The following VAV1 variants were observed in gnomAD, a reference collection of about 807,000 sequenced individuals.
The protein encoded by VAV1 is proto-oncogene vav.
A neutral mutation model predicts 128.1 loss-of-function variants in VAV1; 33 were observed. That is an observed-to-expected ratio of 0.26 (90% CI 0.20 to 0.34). The LOEUF is 0.34. Ranked by LOEUF, VAV1 falls within the 10% of genes least tolerant of loss-of-function variation. The pLI is 1.00. For missense variants in VAV1, 715 were observed against 1,093.7 expected, an observed-to-expected ratio of 0.65 and a Z score of 4.88; for synonymous variants, 394 against 409.8, an observed-to-expected ratio of 0.96 and a Z score of 0.47.
At chr19:6,804,912 A>T (rs181019900) in intron 1 of VAV1, among the ~76,000 whole-genome samples, 1 of 151,064 alleles carries the variant, frequency 6.6e-6, no homozygotes, top group Non-Finnish European at 1.5e-5. Flanking sequence ...TTTAGTAGAG[A>T]TGAGTTTTCA....
intron 1 of VAV1, among the ~76,000 whole-genome samples, chr19:6,787,407 C>T (rs1032893185): frequency 6.6e-6 from 1 of 151,992 alleles, no homozygotes; most frequent in African/African-American, 2.4e-5. Flanking sequence ...AACTCCTGAC[C>T]TCAAGCAATC....
intron 21 of VAV1, among the ~76,000 whole-genome samples, chr19:6,838,496 C>T (rs921513014): frequency 6.6e-6 from 1 of 151,998 alleles, no homozygotes; most frequent in Admixed American, 6.6e-5. Context: ...TATCATTTAT[C>T]TATGTATCAT....
At chr19:6,823,524 T>C in intron 6 of VAV1, among the ~76,000 whole-genome samples, 1 of 151,738 alleles carries the variant, frequency 6.6e-6, no homozygotes, top group Admixed American at 6.6e-5. Context: ...TTTATATATA[T>C]TTTTTGTTAT....
chr19:6,807,933 T>G (rs1971429979), intron 1 of VAV1, among the ~76,000 whole-genome samples: 2 of 135,936 alleles, frequency 1.5e-5, no homozygotes, highest in South Asian at 2.2e-4. Context: ...GAGGTTGCAG[T>G]GAGTCGAGAT....
At chr19:6,843,473 T>C (rs531055722) in intron 22 of VAV1, among the ~76,000 whole-genome samples, 1 of 152,220 alleles carries the variant, frequency 6.6e-6, no homozygotes, top group Non-Finnish European at 1.5e-5. Flanking sequence ...TTTTGTAGGA[T>C]TTTTTGTTTT....
At chr19:6,804,227 G>T (rs1971335338) in intron 1 of VAV1, among the ~76,000 whole-genome samples, 2 of 151,098 alleles carry the variant, frequency 1.3e-5, no homozygotes, top group Admixed American at 6.6e-5. Flanking sequence ...GGCTTAGCCT[G>T]TGAGGCTTCT....
rs541628699 is a variant in VAV1, at chr19:6,777,082, G to T, written c.204+4071G>T. Among the ~76,000 whole-genome samples the T allele has an allele frequency of 9.6e-5, 14 of 145,144 alleles. No homozygotes were observed. The highest frequency in any genetic ancestry group is 2.0e-4 in the Non-Finnish European group (13 of 65,462). ...CCATTCATCTATCTATCATCCACCT[G>T]CCCACCCACCCATCCATCCATCTAC... On this transcript the variant is annotated intron_variant, in intron 1 of 26. Coordinates refer to ENST00000602142, the MANE Select transcript of VAV1 (RefSeq NM_005428.4). The surrounding 1 kb of genome is among the most constrained non-coding windows in gnomAD (Gnocchi z 4.4).
intron 15 of VAV1, among the ~76,000 whole-genome samples, 164 bp from the exon 16 acceptor site, chr19:6,833,020 G>C (rs1395751863): frequency 6.6e-6 from 1 of 152,190 alleles, no homozygotes; most frequent in Non-Finnish European, 1.5e-5. Context: ...GTGCATGGCA[G>C]CACGATTCAG....
At chr19:6,802,029 C>T (rs956264834) in intron 1 of VAV1, among the ~76,000 whole-genome samples, 3 of 36,160 alleles carry the variant, frequency 8.3e-5, no homozygotes, top group African/African-American at 1.9e-4. Context: ...AGGAACCGTC[C>T]TCATAATGCC....
At chr19:6,848,834 C>T (rs1972591986) in intron 23 of VAV1, among the ~76,000 whole-genome samples, 1 of 151,510 alleles carries the variant, frequency 6.6e-6, no homozygotes, top group Non-Finnish European at 1.5e-5. Flanking sequence ...GTCTCTGTTG[C>T]CCAGGCTGGA....
intron 19 of VAV1, among the ~76,000 whole-genome samples, chr19:6,834,641 ATATAT>A (rs972599416): frequency 2.3e-4 from 34 of 146,596 alleles, no homozygotes; most frequent in African/African-American, 6.9e-4. Flanking sequence ...TATAGTAATA[ATATAT>A]TATAATAATA....
rs779571766 is a variant in VAV1 at position 6,837,047 on chromosome 19, C to T, written c.1977C>T (p.Val659=). 1.2e-6 allele frequency: 2 copies of T among 1,613,854 alleles called. No individual in the cohort carries two copies. The highest frequency in any genetic ancestry group is 4.5e-5 in the East Asian group (2 of 44,874). ...WFPCNRVKPY[V]HGPPQDLSVH... is the part of the protein sequence containing the mutation. ...CTTGTAACAGGGTGAAGCCCTATGT[C>T]CATGTGAGTGCCTCAAGTCTGAATG... The change falls in exon 21 of 27, where the codon GTC becomes GTT. Residue 659 remains valine (V), a synonymous_variant. Transcript: ENST00000602142.
At chr19:6,814,687 T>TTC (rs1971596423) in intron 1 of VAV1, among the ~76,000 whole-genome samples, 2 of 105,266 alleles carry the variant, frequency 1.9e-5, no homozygotes, top group African/African-American at 1.1e-4. Flanking sequence ...TTTCTTTCTT[T>TTC]CTTTCTTTCT....
rs1183815100 is a variant in VAV1, at chr19:6,853,948, G to A, written c.2334G>A (p.Val778=). The change falls in exon 26 of 27, where the codon GTG becomes GTA. Residue 778 remains valine, a splice_region_variant and synonymous_variant. Transcript: ENST00000602142. The stretch of plus-strand genomic sequence containing the variant: ...CTCACTTCTGTTCTCTCTCCACAGT[G>A]GGAAGCACAAAGTATTTTGGCACAG... ...PEKRTISRPA[V]GSTKYFGTAK... is the part of the protein sequence containing the mutation. The A allele has an allele frequency of 2.5e-6, 4 of 1,609,984 alleles. No homozygotes were observed. Among genetic ancestry groups the A allele is most frequent in the Non-Finnish European group, 3.4e-6 (4 of 1,179,948 alleles).
rs10419349 is a variant in VAV1 at position 6,836,678 on chromosome 19, C to T, written c.1914+110C>T. On this transcript the variant is annotated intron_variant, in intron 20 of 26. Transcript: ENST00000602142. The stretch of plus-strand genomic sequence containing the variant: ...GTTCCACCATGCTCTGGAGGTGATG[C>T]CTGGGGAGTGGGGTAGGTAGACTGA... The T allele has an allele frequency of 4.5e-3, 6,750 of 1,491,390 alleles. 269 individuals carry two copies. The African/African-American group carries it at 0.083, about 18-fold the overall frequency. 92.4% of individuals were successfully genotyped at this position (1,491,390 alleles called of 1,614,324 possible). A position where few individuals can be genotyped will look rare whatever the true frequency, so the allele number is the denominator to read the frequency against.
intron 25 of VAV1, among the ~76,000 whole-genome samples, chr19:6,853,392 C>T (rs1181895580): frequency 6.6e-6 from 1 of 151,516 alleles, no homozygotes; most frequent in Non-Finnish European, 1.5e-5. Context: ...CATGCCTCAG[C>T]CTCAAAATAA....
intron 1 of VAV1, among the ~76,000 whole-genome samples, chr19:6,795,562 T>A (rs993357216): frequency 2.6e-5 from 4 of 152,088 alleles, no homozygotes; most frequent in African/African-American, 9.7e-5. Flanking sequence ...GCTGTCAATA[T>A]TGCTATTGGT....
chr19:6,855,838 T>G (rs1012990606), intron 26 of VAV1, among the ~76,000 whole-genome samples: 67 of 123,044 alleles, frequency 5.4e-4, no homozygotes, highest in Admixed American at 1.4e-3. Context: ...TCTATCTATC[T>G]ATCTATCCAT....
At chr19:6,774,125 T>A (rs1970565653) in intron 1 of VAV1, among the ~76,000 whole-genome samples, 1 of 145,596 alleles carries the variant, frequency 6.9e-6, no homozygotes, top group Admixed American at 6.7e-5. Context: ...CTGTTTATTT[T>A]ATTTATTTAT....
Sources: gnomAD v4.1 joint callset for allele counts (sites outside exome capture counted in the v4.1 genomes callset) on GRCh38, gnomAD v4.1.1 for gene constraint, Gnocchi (gnomAD v3.1) non-coding constraint, MANE v1.5 for transcripts, NCBI Gene and HGNC (gene_info 2026-07-23, HGNC 2026-07-21) for gene names.